Variants in FGFR3 observed in about 807,000 individuals in gnomAD.
FGFR3 encodes fibroblast growth factor receptor 3, also known as FGFR-3.
A neutral mutation model predicts 82.9 loss-of-function variants in FGFR3; 25 were observed. That is an observed-to-expected ratio of 0.30 (90% CI 0.22 to 0.42). The LOEUF is 0.42. Among genes scored for constraint, FGFR3 ranks in the 10% least tolerant of loss-of-function variants. The probability of loss-of-function intolerance (pLI) is 1.00; values close to 1 mark genes in which losing one functional copy is unlikely to be tolerated. For synonymous variants in FGFR3, 620 were observed against 516.0 expected, an observed-to-expected ratio of 1.20 and a Z score of -2.73; for missense variants, 1,026 against 1,161.0, an observed-to-expected ratio of 0.88 and a Z score of 1.69.
At chr4:1,800,087 G>T (rs1021646487) in intron 4 of FGFR3, among the ~76,000 whole-genome samples, 3 of 152,158 alleles carry the variant, frequency 2.0e-5, no homozygotes, top group African/African-American at 4.8e-5. Flanking sequence ...AGCAGGAGGA[G>T]GCCAGGGCTG....
chr4:1,801,789 G>A, intron 6 of FGFR3, 46 bp downstream of exon 6: 1 of 1,593,204 alleles, frequency 6.3e-7, no homozygotes, highest in Admixed American at 1.7e-5. Flanking sequence ...CAGTGGCGGT[G>A]GTGGTGAGGG....
rs554428127 is a variant in FGFR3 at position 1,799,851 on chromosome 4, G to T, written c.445+39G>T. On this transcript the variant is annotated intron_variant, in intron 4 of 17. Coordinates refer to ENST00000440486, the MANE Select transcript of FGFR3 (RefSeq NM_000142.5). ...CCAGGGTTCAGGCCAGCCGGGGTGG[G>T]GCCCGCTGCCACCGCCAAGCCCTGC... The T allele has an allele frequency of 3.1e-6, 5 of 1,605,178 alleles. No individual in the cohort carries two copies. In the East Asian group the frequency reaches 8.9e-5, roughly 29 times the overall value.
At chr4:1,800,459 A>G (rs1577271276) in intron 4 of FGFR3, among the ~76,000 whole-genome samples, 1 of 151,824 alleles carries the variant, frequency 6.6e-6, no homozygotes, top group Non-Finnish European at 1.5e-5. Flanking sequence ...CGACTTGCGG[A>G]CTGATGGTGT....
Position 1,805,755 on chromosome 4 carries a change from C to T in FGFR3, c.1651C>T (p.Leu551=). ...TGAGGAGCCCGTGTCCCCAGGGCCC[C>T]TGTACGTGCTGGTGGAGTACGCGGC... ...LLGACTQGGP[L]YVLVEYAAKG... The change falls in exon 13 of 18, where the codon CTG becomes TTG. Residue 551 remains leucine, a synonymous_variant. Coordinates refer to ENST00000440486, the MANE Select transcript of FGFR3 (RefSeq NM_000142.5). The T allele has an allele frequency of 1.9e-6, 3 of 1,612,540 alleles. No homozygotes were observed. Among genetic ancestry groups the T allele is most frequent in the East Asian group, 2.2e-5 (1 of 44,880 alleles).
chr4:1,803,707 A>G lies in FGFR3; in HGVS notation c.946A>G (p.Thr316Ala), dbSNP rs2108793196. 1 of 1,613,752 alleles carries G rather than the reference A, an allele frequency of 6.2e-7. No homozygotes were observed. Among genetic ancestry groups the G allele is most frequent in the Non-Finnish European group, 8.5e-7 (1 of 1,179,998 alleles). ...VTVLKTAGAN[T>A]TDKELEVLSL... Reference sequence around the variant, plus strand: ...CTCTTTGTAGACGGCGGGCGCTAACACCACCGACAAGGAGCTAGAGGTTCT... The same window carrying G: ...CTCTTTGTAGACGGCGGGCGCTAACGCCACCGACAAGGAGCTAGAGGTTCT... The change falls in exon 8 of 18, where the codon ACC (threonine) becomes GCC (alanine). Residue 316 changes from threonine (T) to alanine (A), a missense_variant. Transcript: ENST00000440486.
In FGFR3 at chr4:1,806,945, G is replaced by A. The variant is rs762088131; in HGVS notation, c.2274+11G>A. 1 of 1,587,524 alleles carries A rather than the reference G, an allele frequency of 6.3e-7. No individual in the cohort carries two copies. The highest frequency in any genetic ancestry group is 1.1e-5 in the South Asian group (1 of 88,076). On this transcript the variant is annotated intron_variant, in intron 17 of 17. Coordinates refer to ENST00000440486, the MANE Select transcript of FGFR3 (RefSeq NM_000142.5). ...GTGACGTCCACCGACGTGAGTGCTG[G>A]CTCTGGCCTGGTGCCACCCGCCTAT...
chr4:1,802,864 G>A (rs539099958), intron 7 of FGFR3: 73 of 1,542,942 alleles, frequency 4.7e-5, no homozygotes, highest in Middle Eastern at 3.4e-4. Flanking sequence ...CCTCGTGCCC[G>A]GCGGGGCTGC....
intron 2 of FGFR3, among the ~76,000 whole-genome samples, chr4:1,796,737 C>T (rs529392697): frequency 7.2e-5 from 11 of 152,200 alleles, no homozygotes; most frequent in African/African-American, 1.2e-4. Flanking sequence ...GTCCCCAGCA[C>T]CCTGCCTAAT....
chr4:1,802,098 G>A (rs1721268302), intron 7 of FGFR3, 73 bp downstream of exon 7: 50 of 1,500,576 alleles, frequency 3.3e-5, no homozygotes, highest in Non-Finnish European at 4.4e-5. Flanking sequence ...CCTTGGCTGC[G>A]GGTTGCGTGA....
chr4:1,799,798 C>A lies in FGFR3; in HGVS notation c.431C>A (p.Thr144Lys), dbSNP rs748192608. 6.2e-7 allele frequency: 1 copy of A among 1,612,756 alleles called. No homozygotes were observed. The highest frequency in any genetic ancestry group is 1.3e-5 in the African/African-American group (1 of 74,906). The change falls in exon 4 of 18, where the codon ACA (threonine) becomes AAA (lysine). Residue 144 changes from threonine (T) to lysine (K), a missense_variant. By Grantham distance (78) the Thr-to-Lys change is moderately conservative. Around this residue, in one of 9 missense-constraint regions of FGFR3, gnomAD observed 226 missense variants for 222.0 expected, o/e 1.02. Transcript: ENST00000440486. ...DEDGEDEAED[T>K]GVDTGAPYWT... is the part of the protein sequence containing the mutation. ...GACGGGGAGGACGAGGCTGAGGACA[C>A]AGGTGTGGACACAGGTAGGAGCAGG...
rs768680057 is a variant in FGFR3 at position 1,801,916 on chromosome 4, A to G, written c.821A>G (p.His274Arg). ...GTGCTGGGCAGCGACGTGGAGTTCC[A>G]CTGCAAGGTGTACAGTGACGCACAG... ...TAVLGSDVEF[H>R]CKVYSDAQPH... Residue 274 changes from histidine to arginine, a missense_variant, in exon 7 of 18, where the codon CAC (histidine) becomes CGC (arginine). His to Arg is a conservative substitution (Grantham distance 29). Coordinates refer to ENST00000440486, the MANE Select transcript of FGFR3 (RefSeq NM_000142.5). 1.9e-6 allele frequency: 3 copies of G among 1,612,496 alleles called. No homozygotes were observed. The highest frequency in any genetic ancestry group is 1.7e-5 in the Admixed American group (1 of 60,012).
chr4:1,796,471 T>A (rs1720528180), intron 2 of FGFR3, among the ~76,000 whole-genome samples: 1 of 152,034 alleles, frequency 6.6e-6, no homozygotes, highest in South Asian at 2.1e-4. Flanking sequence ...GCAGAGAACT[T>A]CATGTGCATC....
Position 1,801,633 on chromosome 4 carries a change from A to G in FGFR3, c.629A>G (p.Gln210Arg), listed in dbSNP as rs1721193789. The change falls in exon 6 of 18, where the codon CAG becomes CGG. Residue 210 changes from glutamine (Q) to arginine (R), a missense_variant. Physicochemically the swap from Gln to Arg is conservative, Grantham distance 43. Transcript: ENST00000440486. ...RIGGIKLRHQ[Q>R]WSLVMESVVP... is the part of the protein sequence containing the mutation. The stretch of plus-strand genomic sequence containing the variant: ...GTCCCGGTGCAGCTGCGGCATCAGC[A>G]GTGGAGCCTGGTCATGGAAAGCGTG... 1 of 1,610,488 alleles carries G rather than the reference A, an allele frequency of 6.2e-7. No homozygotes were observed. Among genetic ancestry groups the G allele is most frequent in the South Asian group, 1.1e-5 (1 of 90,652 alleles).
rs748419731 is a variant in FGFR3 at position 1,804,508 on chromosome 4, G to A, written c.1254G>A (p.Pro418=). Residue 418 remains proline (P), a synonymous_variant, in exon 9 of 18, where the codon CCG becomes CCA. Coordinates refer to ENST00000440486, the MANE Select transcript of FGFR3 (RefSeq NM_000142.5). Reference sequence around the variant, plus strand: ...CCGTGCACAAGATCTCCCGCTTCCCGCTCAAGCGACAGGTAACAGAAAGTA... The same window carrying A: ...CCGTGCACAAGATCTCCCGCTTCCCACTCAAGCGACAGGTAACAGAAAGTA... ...SPTVHKISRF[P]LKRQVSLESN... is the part of the protein sequence containing the mutation. The A allele has an allele frequency of 8.1e-6, 13 of 1,612,404 alleles. No homozygotes were observed. The highest frequency in any genetic ancestry group is 5.0e-5 in the Admixed American group (3 of 59,996).
Position 1,799,513 on chromosome 4 carries a change from G to A in FGFR3, c.369G>A (p.Val123=). 6.4e-7 allele frequency: 1 copy of A among 1,555,982 alleles called. No homozygotes were observed. The highest frequency in any genetic ancestry group is 8.7e-7 in the Non-Finnish European group (1 of 1,150,778). The change falls in exon 3 of 18, where the codon GTG becomes GTA. Residue 123 remains valine (V), a synonymous_variant. Transcript: ENST00000440486. ...LTQRVLCHFS[V]RVTDAPSSGD... ...AGCGCGTACTGTGCCACTTCAGTGT[G>A]CGGGTGACAGGTGAGCTCTGGGGCC...
Position 1,801,351 on chromosome 4 carries a change from G to A in FGFR3, c.446-16G>A, listed in dbSNP as rs370699388. The A allele has an allele frequency of 3.9e-6, 6 of 1,548,568 alleles. No homozygotes were observed. Among genetic ancestry groups the A allele is most frequent in the South Asian group, 2.4e-5 (2 of 84,396 alleles). ...CCCACTCGGGTCATGGCCTTCACACGCACCTCGGCCCGCAGGGGCCCCTTA... is the reference window on the plus strand; with the variant it reads ...CCCACTCGGGTCATGGCCTTCACACACACCTCGGCCCGCAGGGGCCCCTTA... On this transcript the variant is annotated splice_polypyrimidine_tract_variant and intron_variant, in intron 4 of 17. Transcript: ENST00000440486.
intron 7 of FGFR3, chr4:1,803,004 A>G: frequency 6.2e-7 from 1 of 1,601,536 alleles, no homozygotes. Flanking sequence ...CTGTCGAGCC[A>G]CCAATTTCAT....
Position 1,803,793 on chromosome 4 carries a change from T to C in FGFR3, c.1032T>C (p.Ser344=). Residue 344 remains serine, a synonymous_variant, in exon 8 of 18, where the codon TCT becomes TCC. Transcript: ENST00000440486. ...AGEYTCLAGN[S]IGFSHHSAWL... ...AGTACACCTGCCTGGCGGGCAATTC[T>C]ATTGGGTTTTCTCATCACTCTGCGT... The C allele has an allele frequency of 6.2e-7, 1 of 1,614,082 alleles. No individual in the cohort carries two copies. The highest frequency in any genetic ancestry group is 1.1e-5 in the South Asian group (1 of 91,074).
intron 15 of FGFR3, 32 bp downstream of exon 15, chr4:1,806,359 G>A (rs781352983): frequency 1.9e-6 from 3 of 1,611,912 alleles, no homozygotes; most frequent in Admixed American, 1.7e-5. Context: ...GGCTTCAGGG[G>A]TGGAGGCGGG....
Sources: gnomAD v4.1 joint callset for allele counts (sites outside exome capture counted in the v4.1 genomes callset) on GRCh38, gnomAD v4.1.1 for gene constraint, gnomAD v4.1.1 regional missense constraint, MANE v1.5 for transcripts, NCBI Gene and HGNC (gene_info 2026-07-23, HGNC 2026-07-21) for gene names.